Variants in CSMD1 observed in about 807,000 individuals in gnomAD.
CSMD1 encodes the protein CUB and Sushi multiple domains 1.
In CSMD1, 213 loss-of-function variants were observed where a neutral mutation model predicts 417.5. The ratio of observed to expected loss-of-function variants is 0.51; its 90% CI spans 0.46 to 0.57. The LOEUF (loss-of-function observed/expected upper bound fraction) is 0.57. CSMD1 is among the 20% of genes least tolerant of loss of function. The pLI, the probability that CSMD1 is intolerant of heterozygous loss-of-function variation, is 0.00. For missense variants in CSMD1, 6,923 were observed against 4,529.7 expected, an observed-to-expected ratio of 1.53 and a Z score of -15.17; for synonymous variants, 2,862 against 1,736.8, an observed-to-expected ratio of 1.65 and a Z score of -16.11.
At chr8:3,380,355 G>C (rs1810557516) in intron 18 of CSMD1, among the ~76,000 whole-genome samples, 1 of 152,162 alleles carries the variant, frequency 6.6e-6, no homozygotes, top group Non-Finnish European at 1.5e-5. Flanking sequence ...TCTAGAACCA[G>C]AAATACCATT....
Position 4,346,935 on chromosome 8 carries a change from A to G in CSMD1, c.415+73018T>C, listed in dbSNP as rs151287119. Among the ~76,000 whole-genome samples the G allele has an allele frequency of 5.4e-3, 819 of 152,274 alleles. 8 individuals carry two copies. The highest frequency in any genetic ancestry group is 0.019 in the African/African-American group (793 of 41,564). On this transcript the variant is annotated intron_variant, in intron 3 of 69. Transcript: ENST00000635120. ...ATCTTTTCCTCAAATACTAATTTGA[A>G]AGTGAGTTTAGTTAGGTAACATTCA...
At chr8:3,855,845 C>G (rs1563148913) in intron 5 of CSMD1, among the ~76,000 whole-genome samples, 1 of 152,096 alleles carries the variant, frequency 6.6e-6, no homozygotes, top group Non-Finnish European at 1.5e-5. Flanking sequence ...ATTTAGAGTT[C>G]AACTGCATTT....
intron 38 of CSMD1, among the ~76,000 whole-genome samples, chr8:3,158,646 AAAAC>A (rs200668917): frequency 0.016 from 2,435 of 152,120 alleles, 52 homozygotes; most frequent in African/African-American, 0.054. Flanking sequence ...AATGAAAAAA[AAAAC>A]AAACAGTAGA....
chr8:3,919,925 C>T (rs984321426), intron 5 of CSMD1, among the ~76,000 whole-genome samples: 1 of 151,980 alleles, frequency 6.6e-6, no homozygotes, highest in African/African-American at 2.4e-5. Context: ...ATTTCTTTAT[C>T]AGATAATTTG....
chr8:4,565,061 A>G (rs1798524931), intron 2 of CSMD1, among the ~76,000 whole-genome samples: 1 of 152,210 alleles, frequency 6.6e-6, no homozygotes, highest in African/African-American at 2.4e-5. Context: ...GATTTAAGAT[A>G]AACACTGAAG....
At chr8:3,960,413 C>A (rs979704241) in intron 5 of CSMD1, among the ~76,000 whole-genome samples, 1 of 152,114 alleles carries the variant, frequency 6.6e-6, no homozygotes, top group African/African-American at 2.4e-5. Context: ...AGACAGAAGA[C>A]TAGATAGTCC....
In CSMD1 at chr8:4,029,474, C is replaced by T. The variant is rs572813091; in HGVS notation, c.610+2431G>A. On this transcript the variant is annotated intron_variant, in intron 4 of 69. Transcript: ENST00000635120. ...AAGTCAGCCTGTGCAGAGAAACACC[C>T]ATTTTTAAAACCATCAGATCTTGAG... Among the ~76,000 whole-genome samples, 246 of 152,196 alleles carry T rather than the reference C, an allele frequency of 1.6e-3. 1 individual carries two copies. Among genetic ancestry groups the T allele is most frequent in the African/African-American group, 5.6e-3 (233 of 41,532 alleles).
chr8:3,747,810 C>G (rs1435215016), intron 6 of CSMD1, among the ~76,000 whole-genome samples: 1 of 151,938 alleles, frequency 6.6e-6, no homozygotes, highest in Non-Finnish European at 1.5e-5. Context: ...TTGTTTTGTT[C>G]TTTATGTTTT....
At chr8:4,293,832 T>C (rs541406046) in intron 3 of CSMD1, among the ~76,000 whole-genome samples, 2 of 152,214 alleles carry the variant, frequency 1.3e-5, no homozygotes, top group Non-Finnish European at 2.9e-5. Flanking sequence ...ATTTTAACAT[T>C]CAGTGTCCAA....
At chr8:3,142,788 A>C in intron 40 of CSMD1, 114 bp from the exon 41 acceptor site, 1 of 915,836 alleles carries the variant, frequency 1.1e-6, no homozygotes, top group South Asian at 1.5e-5. Flanking sequence ...TCTCTGTGAG[A>C]CAGAACCATG....
At chr8:2,980,688 C>T (rs1291493369) in intron 54 of CSMD1, among the ~76,000 whole-genome samples, 2 of 152,186 alleles carry the variant, frequency 1.3e-5, no homozygotes, top group Admixed American at 1.3e-4. Context: ...CATAACCTTG[C>T]TCTGAAACTA....
intron 1 of CSMD1, among the ~76,000 whole-genome samples, chr8:4,908,055 C>T (rs979906915): frequency 1.3e-5 from 2 of 152,010 alleles, no homozygotes; most frequent in African/African-American, 4.8e-5. Context: ...AATAGTTTTC[C>T]ATTAATTTAA....
Position 3,040,329 on chromosome 8 carries a change from T to C in CSMD1, c.7661-10816A>G, listed in dbSNP as rs115426715. On this transcript the variant is annotated intron_variant, in intron 50 of 69. Transcript: ENST00000635120. ...GAGAAGCTTTAGTTTCTCAAATGGA[T>C]TTTAACTCTTATTGAGTGAAAGGGA... 9.3e-3 allele frequency among the ~76,000 whole-genome samples: 1,402 copies of C among 150,512 alleles called. 28 individuals are homozygous for C. Among genetic ancestry groups the C allele is most frequent in the African/African-American group, 0.032 (1,323 of 41,200 alleles).
At chr8:3,559,104 A>G (rs927842996) in intron 10 of CSMD1, among the ~76,000 whole-genome samples, 1 of 152,202 alleles carries the variant, frequency 6.6e-6, no homozygotes, top group East Asian at 1.9e-4. Context: ...TCTGATTTTA[A>G]CTTTGCTATC....
intron 26 of CSMD1, among the ~76,000 whole-genome samples, chr8:3,253,189 C>T (rs1307556293): frequency 1.3e-5 from 2 of 152,052 alleles, no homozygotes; most frequent in Non-Finnish European, 2.9e-5. Context: ...TCCCTCTACA[C>T]ACTGCTTTGT....
chr8:3,954,485 G>T (rs922670202), intron 5 of CSMD1, among the ~76,000 whole-genome samples: 5 of 152,146 alleles, frequency 3.3e-5, no homozygotes, highest in Non-Finnish European at 7.3e-5. Flanking sequence ...TGCTGCCTCA[G>T]CTTCCTGAGT....
rs888183364 is a variant in CSMD1 at position 4,246,412 on chromosome 8, A to G, written c.415+173541T>C. 5.3e-5 allele frequency among the ~76,000 whole-genome samples: 8 copies of G among 152,288 alleles called. No individual in the cohort carries two copies. The South Asian group carries it at 1.4e-3, about 28-fold the overall frequency. ...TGCAGCTGCTGTTGTGAAGTTCTTA[A>G]TAAGTTGTAGAGAAAGGGCACTCCA... On this transcript the variant is annotated intron_variant, in intron 3 of 69. Transcript: ENST00000635120.
In CSMD1 at chr8:3,173,901, T is replaced by A. The variant is rs1020481306; in HGVS notation, c.5725+7209A>T. On this transcript the variant is annotated intron_variant, in intron 37 of 69. Coordinates refer to ENST00000635120, the MANE Select transcript of CSMD1 (RefSeq NM_033225.6). ...TAGGGGCTAATCCAAGTTATCTGTA[T>A]TCAATTATGGCAACGTCCTGCCAAA... 7.9e-5 allele frequency among the ~76,000 whole-genome samples: 12 copies of A among 152,334 alleles called. No individual in the cohort carries two copies. The East Asian group carries it at 1.5e-3, about 20-fold the overall frequency.
Position 3,258,983 on chromosome 8 carries a change from C to G in CSMD1, c.4153+25161G>C, listed in dbSNP as rs1466599380. On this transcript the variant is annotated intron_variant, in intron 26 of 69. Coordinates refer to ENST00000635120, the MANE Select transcript of CSMD1 (RefSeq NM_033225.6). ...AAAGGGAGAGGATCAGGAAAAATAA[C>G]TAATGGGTACTAGGCTTAATAGCTG... Among the ~76,000 whole-genome samples the G allele has an allele frequency of 3.9e-5, 6 of 152,166 alleles. No homozygotes were observed. The East Asian group carries it at 1.2e-3, about 29-fold the overall frequency.
Sources: gnomAD v4.1 joint callset for allele counts (sites outside exome capture counted in the v4.1 genomes callset) on GRCh38, gnomAD v4.1.1 for gene constraint, MANE v1.5 for transcripts, NCBI Gene and HGNC (gene_info 2026-07-23, HGNC 2026-07-21) for gene names.